The following TRNAU1AP variants were observed in gnomAD, a reference collection of about 807,000 sequenced individuals.
The protein encoded by TRNAU1AP is tRNA selenocysteine 1-associated protein 1.
TRNAU1AP carries 33 observed loss-of-function variants against 43.3 expected under a neutral mutation model. That is an observed-to-expected ratio of 0.76 (90% CI 0.58 to 1.02). The LOEUF (loss-of-function observed/expected upper bound fraction) is 1.02, where lower values mean the gene tolerates loss of function less well. TRNAU1AP is among the 50% of genes least tolerant of loss of function. The pLI is 0.00. For synonymous variants in TRNAU1AP, 143 were observed against 129.1 expected (o/e 1.11, Z -0.73); for missense variants, 290 against 362.7 (o/e 0.80, Z 1.63).
In TRNAU1AP at chr1:28,569,427, C is replaced by T. The variant is rs535768366; in HGVS notation, c.531-1749C>T. On this transcript the variant is annotated intron_variant, in intron 6 of 8. Transcript: ENST00000373830. ...ACAAAATAGGCTGGGCGTGGTGGCT[C>T]ATGCCTGTAATCCCAGCACTTTGGG... Among the ~76,000 whole-genome samples the T allele has an allele frequency of 2.0e-5, 3 of 152,104 alleles. No homozygotes were observed. In the East Asian group the frequency reaches 5.8e-4, roughly 30 times the overall value.
intron 2 of TRNAU1AP, among the ~76,000 whole-genome samples, chr1:28,558,062 ATTTTTT>A (rs998976595): frequency 8.2e-6 from 1 of 122,110 alleles, no homozygotes; most frequent in African/African-American, 3.3e-5. Context: ...TGCCTGGCTA[ATTTTTT>A]TTTTTTTTTT....
chr1:28,556,159 A>G (rs1021520510), intron 2 of TRNAU1AP, among the ~76,000 whole-genome samples: 3 of 151,602 alleles, frequency 2.0e-5, no homozygotes, highest in Non-Finnish European at 4.4e-5. Context: ...GCCCCTTTCT[A>G]CTTTTTAAAA....
Position 28,578,005 on chromosome 1 carries a change from G to GT in TRNAU1AP, c.*370dup, listed in dbSNP as rs1194119345. ...GGTATGTAAATCAGGGTTCTCTGGA[G>GT]TATTTGTAGGACCTGCCATATTTGA... On this transcript the variant is annotated 3_prime_UTR_variant, in exon 9 of 9. Coordinates refer to ENST00000373830, the MANE Select transcript of TRNAU1AP (RefSeq NM_017846.5). 6.3e-5 allele frequency: 11 copies of GT among 173,708 alleles called. No homozygotes were observed. Among genetic ancestry groups the GT allele is most frequent in the African/African-American group, 2.2e-4 (9 of 41,698 alleles). The allele number at this position is 173,708 out of a possible 1,614,324, so 10.8% of individuals were successfully genotyped here.
chr1:28,573,062 T>A (rs1665696735), intron 8 of TRNAU1AP, among the ~76,000 whole-genome samples: 1 of 138,534 alleles, frequency 7.2e-6, no homozygotes, highest in African/African-American at 2.7e-5. Flanking sequence ...TGAGGCAGAG[T>A]CTTGCTGTGT....
In TRNAU1AP at chr1:28,553,628, G is replaced by GT; in HGVS notation, c.28-7dup. On this transcript the variant is annotated splice_polypyrimidine_tract_variant and intron_variant, in intron 1 of 8. Coordinates refer to ENST00000373830, the MANE Select transcript of TRNAU1AP (RefSeq NM_017846.5). ...CGCCGGCCTGAGCCGCTGTGCTCTT[G>GT]TTTTTACGCAGCTGGAACCCTACAT... 1.2e-6 allele frequency: 2 copies of GT among 1,613,560 alleles called. No homozygotes were observed. The highest frequency in any genetic ancestry group is 8.5e-7 in the Non-Finnish European group (1 of 1,179,862).
chr1:28,573,292 G>A (rs1230401683), intron 8 of TRNAU1AP, among the ~76,000 whole-genome samples: 3 of 146,310 alleles, frequency 2.1e-5, no homozygotes, highest in African/African-American at 7.4e-5. Context: ...GCCTCCCAAA[G>A]TGCTGGGATT....
In TRNAU1AP at chr1:28,577,434, G is replaced by T. The variant is rs566757906; in HGVS notation, c.728-66G>T. On this transcript the variant is annotated intron_variant, in intron 8 of 8. Coordinates refer to ENST00000373830, the MANE Select transcript of TRNAU1AP (RefSeq NM_017846.5). ...CATAGAACAGAGTTCTGGGAGAAGGGAACTGAACCAGGTCCCTTGCAGCTG... is the reference window on the plus strand; with the variant it reads ...CATAGAACAGAGTTCTGGGAGAAGGTAACTGAACCAGGTCCCTTGCAGCTG... The T allele has an allele frequency of 2.5e-6, 4 of 1,568,904 alleles. No individual in the cohort carries two copies. In the East Asian group the frequency reaches 9.0e-5, roughly 35 times the overall value.
At chr1:28,553,377 T>G in intron 1 of TRNAU1AP, 1 of 625,166 alleles carries the variant, frequency 1.6e-6, no homozygotes, top group South Asian at 2.1e-5. Flanking sequence ...TTTGGGGACA[T>G]AGAATGGGAG....
chr1:28,555,490 C>CT (rs926754126), intron 2 of TRNAU1AP, among the ~76,000 whole-genome samples: 1 of 150,124 alleles, frequency 6.7e-6, no homozygotes, highest in African/African-American at 2.4e-5. Context: ...AGCAGCTACT[C>CT]TTTTCCTTTT....
chr1:28,569,942 A>G (rs939173391), intron 6 of TRNAU1AP, among the ~76,000 whole-genome samples: 2 of 151,686 alleles, frequency 1.3e-5, no homozygotes, highest in Non-Finnish European at 2.9e-5. Context: ...CGGAGGTTGC[A>G]GTGAGCCGAG....
chr1:28,567,499 G>A, intron 6 of TRNAU1AP, 86 bp downstream of exon 6: 4 of 1,428,202 alleles, frequency 2.8e-6, no homozygotes, highest in East Asian at 2.5e-5. Flanking sequence ...GCATCCATAC[G>A]CTGGATGGGA....
intron 4 of TRNAU1AP, 54 bp downstream of exon 4, chr1:28,561,452 C>G: frequency 6.2e-7 from 1 of 1,602,652 alleles, no homozygotes; most frequent in Non-Finnish European, 8.5e-7. Flanking sequence ...GTGCCTGTCA[C>G]TGCCATATAG....
At position 28,570,000 on chromosome 1, in the gene TRNAU1AP, AAAC is replaced by A. The variant is rs542126461; in HGVS notation, c.531-1167_531-1165del. On this transcript the variant is annotated intron_variant, in intron 6 of 8. Transcript: ENST00000373830. ...TGGGCGACAGAGCAAGACTCTCTCA[AAAC>A]AACAACAAAAAAAACGAAAACAAAA... 4.9e-3 allele frequency among the ~76,000 whole-genome samples: 745 copies of A among 151,432 alleles called. 9 individuals are homozygous for A. Among genetic ancestry groups the A allele is most frequent in the African/African-American group, 0.017 (719 of 41,208 alleles).
chr1:28,562,141 G>A (rs985963091), intron 4 of TRNAU1AP, among the ~76,000 whole-genome samples: 4 of 152,230 alleles, frequency 2.6e-5, no homozygotes, highest in Non-Finnish European at 4.4e-5. Flanking sequence ...GGAATTTCAG[G>A]TTGCCATTTG....
intron 2 of TRNAU1AP, among the ~76,000 whole-genome samples, chr1:28,557,886 C>G (rs1377211497): frequency 6.7e-6 from 1 of 149,826 alleles, no homozygotes; most frequent in Non-Finnish European, 1.5e-5. Context: ...CGCTCCCGGC[C>G]AACACCCAGC....
At chr1:28,559,536 G>A (rs1324830786) in intron 2 of TRNAU1AP, among the ~76,000 whole-genome samples, 1 of 152,044 alleles carries the variant, frequency 6.6e-6, no homozygotes. Flanking sequence ...GCTGAGGCAG[G>A]AGAATCGCTT....
chr1:28,569,363 C>G (rs61786001), intron 6 of TRNAU1AP, among the ~76,000 whole-genome samples: 2 of 152,086 alleles, frequency 1.3e-5, no homozygotes, highest in South Asian at 2.1e-4. Context: ...CCACTGCACT[C>G]TAGCCCAGGC....
At chr1:28,566,528 G>GGATCATGA (rs1665542808) in intron 5 of TRNAU1AP, among the ~76,000 whole-genome samples, 1 of 151,784 alleles carries the variant, frequency 6.6e-6, no homozygotes. Flanking sequence ...CGAGGCGGGT[G>GGATCATGA]GATCATGAGG....
chr1:28,562,826 C>T (rs1244586849), intron 4 of TRNAU1AP, among the ~76,000 whole-genome samples: 1 of 151,880 alleles, frequency 6.6e-6, no homozygotes, highest in Admixed American at 6.6e-5. Context: ...CGTGATCTGC[C>T]CACCTCAGCC....
Sources: gnomAD v4.1 joint callset for allele counts (sites outside exome capture counted in the v4.1 genomes callset) on GRCh38, gnomAD v4.1.1 for gene constraint, MANE v1.5 for transcripts, NCBI Gene and HGNC (gene_info 2026-07-23, HGNC 2026-07-21) for gene names.